RAB3C: variants seen among roughly 807,000 people sequenced by gnomAD.
The protein encoded by RAB3C is RAB3C, member RAS oncogene family.
Under a neutral mutation model 26.4 loss-of-function variants are expected in RAB3C, and 17 were observed. The observed-to-expected ratio is 0.64, with a 90% CI of 0.44 to 0.97. RAB3C has a LOEUF of 0.97. Ranked by LOEUF, RAB3C falls within the 50% of genes least tolerant of loss-of-function variation. The pLI is 0.00. For synonymous variants in RAB3C, 91 were observed against 95.9 expected (o/e 0.95, Z 0.30); for missense variants, 242 against 281.9 (o/e 0.86, Z 1.01).
rs1429039828 is a variant in RAB3C at position 58,853,209 on chromosome 5, C to T, written c.*1858C>T. On this transcript the variant is annotated 3_prime_UTR_variant, in exon 5 of 5. Transcript: ENST00000282878. ...TTCAAAATCACAGGAATTACAGTGA[C>T]GGGAGAGAAAGAAGCAGGAGGCATA... 2.6e-5 allele frequency: 4 copies of T among 152,048 alleles called. No homozygotes were observed. Among genetic ancestry groups the T allele is most frequent in the South Asian group, 4.1e-4 (2 of 4,822 alleles). The allele number at this position is 152,048 out of a possible 1,614,324, so 9.4% of individuals were successfully genotyped here. A position where few individuals can be genotyped will look rare whatever the true frequency, so the allele number is the denominator to read the frequency against.
chr5:58,701,537 A>C (rs1380007523), intron 2 of RAB3C, among the ~76,000 whole-genome samples: 4 of 152,182 alleles, frequency 2.6e-5, no homozygotes, highest in African/African-American at 9.7e-5. Flanking sequence ...CTACTGTAAC[A>C]AATTACCAAA....
At chr5:58,632,461 A>G (rs1579827756) in intron 2 of RAB3C, among the ~76,000 whole-genome samples, 1 of 152,240 alleles carries the variant, frequency 6.6e-6, no homozygotes, top group East Asian at 1.9e-4. Context: ...GATAACTGCC[A>G]TTCTGAGAAA....
In RAB3C at chr5:58,620,005, A is replaced by G. The variant is rs187808124; in HGVS notation, c.252+2135A>G. Among the ~76,000 whole-genome samples, 76 of 151,974 alleles carry G rather than the reference A, an allele frequency of 5.0e-4. 1 individual carries two copies. In the East Asian group the frequency reaches 9.3e-3, roughly 19 times the overall value. ...CTCCTCATGCTGCTCAGTTTCCATAAGTTCATGAAAAAGTCTCTGAAATAT... is the reference window on the plus strand; with the variant it reads ...CTCCTCATGCTGCTCAGTTTCCATAGGTTCATGAAAAAGTCTCTGAAATAT... On this transcript the variant is annotated intron_variant, in intron 2 of 4. Transcript: ENST00000282878.
intron 3 of RAB3C, among the ~76,000 whole-genome samples, chr5:58,811,810 A>C: frequency 7.0e-6 from 1 of 143,240 alleles, no homozygotes; most frequent in South Asian, 2.5e-4. Flanking sequence ...CCACTGCACC[A>C]CAGGTTCCCA....
chr5:58,776,915 C>G (rs1304296666), intron 3 of RAB3C, among the ~76,000 whole-genome samples: 1 of 152,140 alleles, frequency 6.6e-6, no homozygotes, highest in African/African-American at 2.4e-5. Context: ...TGCCCACATT[C>G]TATTGAGCAA....
At chr5:58,802,369 G>C (rs1375318565) in intron 3 of RAB3C, among the ~76,000 whole-genome samples, 1 of 152,146 alleles carries the variant, frequency 6.6e-6, no homozygotes, top group Admixed American at 6.5e-5. Context: ...GTGCATCTGA[G>C]AAAATGCATT....
intron 3 of RAB3C, among the ~76,000 whole-genome samples, chr5:58,736,322 A>G (rs1276080695): frequency 1.3e-5 from 2 of 152,210 alleles, no homozygotes; most frequent in Non-Finnish European, 2.9e-5. Context: ...TTATATGCTA[A>G]TGATACATGC....
intron 3 of RAB3C, among the ~76,000 whole-genome samples, chr5:58,735,862 A>G (rs921332416): frequency 6.6e-6 from 1 of 152,150 alleles, no homozygotes; most frequent in Non-Finnish European, 1.5e-5. Context: ...CCAGATTGTT[A>G]TACATTCCTA....
chr5:58,686,213 A>G (rs1748441163), intron 2 of RAB3C, among the ~76,000 whole-genome samples: 1 of 152,174 alleles, frequency 6.6e-6, no homozygotes, highest in Admixed American at 6.6e-5. Context: ...TATCATCATG[A>G]CATTTGTAGA....
chr5:58,600,520 A>G (rs1746429538), intron 1 of RAB3C, among the ~76,000 whole-genome samples: 1 of 152,020 alleles, frequency 6.6e-6, no homozygotes, highest in African/African-American at 2.4e-5. Flanking sequence ...TTCTTTCAGT[A>G]ATGTTTTGTA....
intron 2 of RAB3C, among the ~76,000 whole-genome samples, chr5:58,672,550 A>C (rs907094040): frequency 6.6e-6 from 1 of 152,210 alleles, no homozygotes; most frequent in Non-Finnish European, 1.5e-5. Context: ...TTAAACTCTG[A>C]AAGGTGTCTT....
At chr5:58,583,394 C>A in intron 1 of RAB3C, 162 bp downstream of exon 1, 1 of 959,130 alleles carries the variant, frequency 1.0e-6, no homozygotes, top group Non-Finnish European at 1.2e-6. Context: ...TTTCTTTACG[C>A]TCTGTGTGGC....
intron 2 of RAB3C, among the ~76,000 whole-genome samples, chr5:58,685,018 G>T (rs1352034123): frequency 3.3e-5 from 5 of 152,080 alleles, no homozygotes; most frequent in African/African-American, 1.2e-4. Flanking sequence ...TATTGGTGTG[G>T]CAGTTTTTAC....
intron 2 of RAB3C, among the ~76,000 whole-genome samples, chr5:58,679,942 T>G (rs1029938566): frequency 7.2e-5 from 11 of 152,230 alleles, no homozygotes; most frequent in Admixed American, 5.2e-4. Flanking sequence ...AGGTTCAGTT[T>G]GTCAGCAGAT....
At chr5:58,582,415 GT>G (rs1745918113), upstream of RAB3C, 2 of 985,438 alleles carry the variant, frequency 2.0e-6, no homozygotes, top group South Asian at 9.4e-5. Context: ...GTATGGAAAG[GT>G]AAGCAGGCGA....
chr5:58,767,019 G>GT (rs949275647), intron 3 of RAB3C, among the ~76,000 whole-genome samples: 1 of 152,022 alleles, frequency 6.6e-6, no homozygotes, highest in Admixed American at 6.6e-5. Flanking sequence ...ATAGCCAGCG[G>GT]GGGGGACTCA....
chr5:58,686,300 A>G (rs910687243), intron 2 of RAB3C, among the ~76,000 whole-genome samples: 2 of 152,152 alleles, frequency 1.3e-5, no homozygotes, highest in African/African-American at 4.8e-5. Context: ...AACAACACAT[A>G]GATTGGCTCA....
chr5:58,720,424 A>G (rs971510697), intron 2 of RAB3C, among the ~76,000 whole-genome samples: 142 of 151,922 alleles, frequency 9.3e-4, no homozygotes, highest in African/African-American at 3.2e-3. Flanking sequence ...ACTGAGCATA[A>G]TTTAATCTGT....
chr5:58,814,316 G>A (rs1043052696), intron 3 of RAB3C, among the ~76,000 whole-genome samples: 4 of 152,048 alleles, frequency 2.6e-5, no homozygotes, highest in Non-Finnish European at 2.9e-5. Flanking sequence ...GACTCCCTTG[G>A]TCCTGTCTTA....
Sources: gnomAD v4.1 joint callset for allele counts (sites outside exome capture counted in the v4.1 genomes callset) on GRCh38, gnomAD v4.1.1 for gene constraint, MANE v1.5 for transcripts, NCBI Gene and HGNC (gene_info 2026-07-23, HGNC 2026-07-21) for gene names.